Variants in BBS9 observed in about 807,000 individuals in gnomAD.
The protein encoded by BBS9 is Bardet-Biedl syndrome 9, also known as protein PTHB1.
BBS9 carries 89 observed loss-of-function variants against 117.7 expected under a neutral mutation model. That is an observed-to-expected ratio of 0.76 (90% confidence interval 0.64 to 0.90). The LOEUF (loss-of-function observed/expected upper bound fraction) is 0.90, where lower values mean the gene tolerates loss of function less well. BBS9 is among the 40% of genes least tolerant of loss of function. The pLI is 0.00. For missense variants in BBS9, 982 were observed against 1,042.2 expected (o/e 0.94, Z 0.80); for synonymous variants, 379 against 370.9 (o/e 1.02, Z -0.25).
chr7:33,227,392 C>T (rs1049454497), intron 5 of BBS9, among the ~76,000 whole-genome samples: 12 of 152,226 alleles, frequency 7.9e-5, no homozygotes, highest in African/African-American at 2.9e-4. Flanking sequence ...AAGTGATCCC[C>T]TGCCTTGATC....
intron 9 of BBS9, among the ~76,000 whole-genome samples, chr7:33,282,334 G>T (rs969632671): frequency 1.3e-5 from 2 of 151,824 alleles, no homozygotes; most frequent in Non-Finnish European, 2.9e-5. Flanking sequence ...GCAAATTTAG[G>T]CATAGAATAA....
intron 21 of BBS9, among the ~76,000 whole-genome samples, chr7:33,542,914 A>G (rs1390131059): frequency 1.3e-5 from 2 of 151,952 alleles, no homozygotes; most frequent in Non-Finnish European, 2.9e-5. Flanking sequence ...TTGTGCTGCT[A>G]TAAACATGCA....
intron 21 of BBS9, among the ~76,000 whole-genome samples, chr7:33,622,907 G>T (rs1196373117): frequency 6.6e-6 from 1 of 152,176 alleles, no homozygotes; most frequent in Non-Finnish European, 1.5e-5. Flanking sequence ...CAACCATACA[G>T]AAAAGTCAAT....
At chr7:33,565,798 T>C (rs75394521) in intron 21 of BBS9, among the ~76,000 whole-genome samples, 6 of 41,252 alleles carry the variant, frequency 1.5e-4, no homozygotes, top group Non-Finnish European at 1.2e-4. Context: ...TATATATATA[T>C]ATATATATAT....
chr7:33,376,543 C>T (rs568924414), intron 17 of BBS9, among the ~76,000 whole-genome samples: 2 of 152,184 alleles, frequency 1.3e-5, no homozygotes, highest in Non-Finnish European at 2.9e-5. Flanking sequence ...ATTTATATTC[C>T]TTTTGGTATA....
At chr7:33,244,387 A>T (rs369191723) in intron 5 of BBS9, among the ~76,000 whole-genome samples, 51 of 152,290 alleles carry the variant, frequency 3.3e-4, no homozygotes, top group African/African-American at 1.2e-3. Context: ...AGCAAATAAA[A>T]ATTGACATTT....
At chr7:33,554,891 G>A (rs1381432011) in intron 21 of BBS9, among the ~76,000 whole-genome samples, 1 of 152,104 alleles carries the variant, frequency 6.6e-6, no homozygotes, top group Non-Finnish European at 1.5e-5. Flanking sequence ...TTGAAGAGAA[G>A]CAGCCAAGGA....
intron 19 of BBS9, among the ~76,000 whole-genome samples, chr7:33,448,901 G>A (rs1244880224): frequency 6.6e-6 from 1 of 152,202 alleles, no homozygotes. Flanking sequence ...TTTTTTCTAA[G>A]TGCTTTACAT....
At chr7:33,628,569 A>T (rs1350362434) in intron 21 of BBS9, among the ~76,000 whole-genome samples, 1 of 152,224 alleles carries the variant, frequency 6.6e-6, no homozygotes, top group Non-Finnish European at 1.5e-5. Flanking sequence ...GAAAACCTAG[A>T]GTCAACATCA....
intron 21 of BBS9, among the ~76,000 whole-genome samples, chr7:33,624,795 T>C (rs2129225009): frequency 6.6e-6 from 1 of 152,322 alleles, no homozygotes; most frequent in Non-Finnish European, 1.5e-5. Flanking sequence ...TATGCTGAAA[T>C]AACAGGTGTA....
intron 21 of BBS9, among the ~76,000 whole-genome samples, chr7:33,582,932 G>A (rs1376857347): frequency 6.6e-6 from 1 of 152,108 alleles, no homozygotes. Context: ...ACCAGCCTTT[G>A]GAACAAGACT....
chr7:33,226,576 A>G (rs986860761), intron 5 of BBS9, among the ~76,000 whole-genome samples: 1 of 152,210 alleles, frequency 6.6e-6, no homozygotes, highest in South Asian at 2.1e-4. Context: ...GGATTAGGAA[A>G]GATATTTATA....
At chr7:33,402,382 A>C (rs1419006378) in intron 19 of BBS9, among the ~76,000 whole-genome samples, 1 of 152,146 alleles carries the variant, frequency 6.6e-6, no homozygotes, top group Non-Finnish European at 1.5e-5. Context: ...GCATACCAAA[A>C]TTCATGCGTT....
At chr7:33,332,875 AT>A (rs1317521486) in intron 9 of BBS9, among the ~76,000 whole-genome samples, 7 of 152,116 alleles carry the variant, frequency 4.6e-5, no homozygotes, top group Non-Finnish European at 8.8e-5. Flanking sequence ...AAAATTTACC[AT>A]TTTAAGCATT....
intron 21 of BBS9, among the ~76,000 whole-genome samples, chr7:33,550,660 A>C (rs1363892880): frequency 6.6e-6 from 1 of 151,576 alleles, no homozygotes; most frequent in Non-Finnish European, 1.5e-5. Context: ...TTCATACTGA[A>C]CTTTTTCTAA....
At chr7:33,340,591 C>A (rs1473130827) in intron 10 of BBS9, among the ~76,000 whole-genome samples, 1 of 152,120 alleles carries the variant, frequency 6.6e-6, no homozygotes, top group East Asian at 1.9e-4. Context: ...AACTTACCTT[C>A]ACAAGGGCTG....
At chr7:33,630,310 G>A (rs980790564) in intron 21 of BBS9, among the ~76,000 whole-genome samples, 24 of 151,954 alleles carry the variant, frequency 1.6e-4, no homozygotes, top group East Asian at 1.9e-4. Flanking sequence ...AATGAGGTGC[G>A]AAAAGCATGT....
chr7:33,525,077 C>G (rs1849269169), intron 20 of BBS9, among the ~76,000 whole-genome samples: 2 of 151,924 alleles, frequency 1.3e-5, no homozygotes, highest in African/African-American at 2.4e-5. Flanking sequence ...GATTCTTAAT[C>G]CTGAGTTCTA....
At position 33,273,834 on chromosome 7, in the gene BBS9, A is replaced by G; in HGVS notation, c.894A>G (p.Glu298=). 1 of 1,609,478 alleles carries G rather than the reference A, an allele frequency of 6.2e-7. No individual in the cohort carries two copies. Among genetic ancestry groups the G allele is most frequent in the Non-Finnish European group, 8.5e-7 (1 of 1,176,262 alleles). ...SCFLPYCSVS[E]GTINTLIGNH... is the part of the protein sequence containing the mutation. The stretch of plus-strand genomic sequence containing the variant: ...TGTATTTTCAACTTACAGTTTCTGA[A>G]GGAACAATAAATACTTTGATTGGAA... Residue 298 remains glutamate (E), a synonymous_variant, in exon 9 of 23, where the codon GAA becomes GAG. Coordinates refer to ENST00000242067, the MANE Select transcript of BBS9 (RefSeq NM_198428.3).
Sources: gnomAD v4.1 joint callset for allele counts (sites outside exome capture counted in the v4.1 genomes callset) on GRCh38, gnomAD v4.1.1 for gene constraint, MANE v1.5 for transcripts, NCBI Gene and HGNC (gene_info 2026-07-23, HGNC 2026-07-21) for gene names.